WWOX: variants seen among roughly 807,000 people sequenced by gnomAD.
WWOX encodes the protein WW domain-containing oxidoreductase.
Under a neutral mutation model 46.2 loss-of-function variants are expected in WWOX, and 69 were observed. That is an observed-to-expected ratio of 1.49 (90% CI 1.23 to 1.82). The LOEUF is 1.82. WWOX is among the 40% of genes most tolerant of loss of function. The probability of loss-of-function intolerance (pLI) is 0.00; values close to 1 mark genes in which losing one functional copy is unlikely to be tolerated. For synonymous variants in WWOX, 359 were observed against 202.6 expected, an observed-to-expected ratio of 1.77 and a Z score of -6.56; for missense variants, 919 against 542.6, an observed-to-expected ratio of 1.69 and a Z score of -6.89.
rs373769499 is a variant in WWOX, at chr16:78,877,258, C to G, written c.1057-334350C>G. On this transcript the variant is annotated intron_variant, in intron 8 of 8. Transcript: ENST00000566780. ...AATCGTCACAGTAGGACACCAAACC[C>G]TCTGTATGCCCTGCCTGCCTCCCCC... Among the ~76,000 whole-genome samples the G allele has an allele frequency of 3.3e-5, 5 of 151,612 alleles. No individual in the cohort carries two copies. The East Asian group carries it at 5.8e-4, about 18-fold the overall frequency.
chr16:79,143,104 A>T (rs2050120765), intron 8 of WWOX, among the ~76,000 whole-genome samples: 1 of 150,752 alleles, frequency 6.6e-6, no homozygotes, highest in South Asian at 2.1e-4. Flanking sequence ...TTTGGCTTTG[A>T]AAAAAAAGTT....
At chr16:79,148,071 AG>A (rs1426121319) in intron 8 of WWOX, among the ~76,000 whole-genome samples, 1 of 152,178 alleles carries the variant, frequency 6.6e-6, no homozygotes, top group Non-Finnish European at 1.5e-5. Context: ...AAAAGTATTT[AG>A]TTTTAATGAG....
intron 8 of WWOX, among the ~76,000 whole-genome samples, chr16:79,038,371 G>A (rs1396346874): frequency 5.9e-5 from 9 of 151,982 alleles, no homozygotes; most frequent in African/African-American, 7.2e-5. Context: ...GGTGGAAAAC[G>A]AAGGAAGAAA....
intron 8 of WWOX, among the ~76,000 whole-genome samples, chr16:78,666,295 A>C (rs1270027132): frequency 6.6e-6 from 1 of 151,914 alleles, no homozygotes; most frequent in Non-Finnish European, 1.5e-5. Context: ...TCTCTTTAAA[A>C]ATAAATAAAT....
intron 8 of WWOX, among the ~76,000 whole-genome samples, chr16:78,829,143 GAC>G (rs2051743636): frequency 2.0e-5 from 3 of 152,150 alleles, no homozygotes; most frequent in East Asian, 1.9e-4. Context: ...GAGAGAGAGA[GAC>G]AGATAGGCAG....
chr16:79,014,878 G>C (rs190415698), intron 8 of WWOX, among the ~76,000 whole-genome samples: 1 of 152,182 alleles, frequency 6.6e-6, no homozygotes, highest in Non-Finnish European at 1.5e-5. Flanking sequence ...GTGAGCATCA[G>C]CTGTTTCAAT....
At chr16:78,524,031 G>C (rs1424696367) in intron 8 of WWOX, among the ~76,000 whole-genome samples, 1 of 152,274 alleles carries the variant, frequency 6.6e-6, no homozygotes, top group South Asian at 2.1e-4. Flanking sequence ...GATCACATGG[G>C]AGCTTTCATT....
At position 78,836,176 on chromosome 16, in the gene WWOX, A is replaced by AT. The variant is rs5818175; in HGVS notation, c.1057-375420dup. On this transcript the variant is annotated intron_variant, in intron 8 of 8. Coordinates refer to ENST00000566780, the MANE Select transcript of WWOX (RefSeq NM_016373.4). ...GGTATAACAGCAGTGGTTAACATGCATTTTTTTTTTTTAACAGTTAGATTT... is the reference window on the plus strand; with the variant it reads ...GGTATAACAGCAGTGGTTAACATGCATTTTTTTTTTTTTAACAGTTAGATTT... 4.8e-3 allele frequency among the ~76,000 whole-genome samples: 709 copies of AT among 147,492 alleles called. 8 individuals carry two copies. The highest frequency in any genetic ancestry group is 6.2e-3 in the African/African-American group (249 of 40,222).
intron 8 of WWOX, among the ~76,000 whole-genome samples, chr16:78,900,196 T>C (rs2044795436): frequency 6.6e-6 from 1 of 151,938 alleles, no homozygotes; most frequent in African/African-American, 2.4e-5. Flanking sequence ...TAAACCTTCA[T>C]GCAGACCTGT....
intron 8 of WWOX, among the ~76,000 whole-genome samples, chr16:79,018,113 C>G (rs1009831479): frequency 2.6e-5 from 4 of 152,152 alleles, no homozygotes; most frequent in Non-Finnish European, 5.9e-5. Flanking sequence ...CATTTCTAAT[C>G]GGAGGCAGAG....
At chr16:79,173,203 C>T (rs543267046) in intron 8 of WWOX, among the ~76,000 whole-genome samples, 35 of 152,310 alleles carry the variant, frequency 2.3e-4, no homozygotes, top group Non-Finnish European at 3.1e-4. Flanking sequence ...TGAACCCTTT[C>T]GGTTCACATC....
chr16:78,331,313 T>C (rs2080752022), intron 5 of WWOX, among the ~76,000 whole-genome samples: 1 of 152,232 alleles, frequency 6.6e-6, no homozygotes, highest in African/African-American at 2.4e-5. Context: ...AGGATGAAGG[T>C]AATATTGGCA....
chr16:78,993,295 G>A (rs368602549), intron 8 of WWOX, among the ~76,000 whole-genome samples: 1 of 152,154 alleles, frequency 6.6e-6, no homozygotes, highest in South Asian at 2.1e-4. Flanking sequence ...GGGAGGCCCT[G>A]AAATTGCTTT....
chr16:78,827,801 A>C (rs1286811097), intron 8 of WWOX, among the ~76,000 whole-genome samples: 1 of 152,214 alleles, frequency 6.6e-6, no homozygotes, highest in African/African-American at 2.4e-5. Context: ...AGATGGCGCC[A>C]CTGCACTCTA....
At chr16:78,775,023 G>A (rs553027834) in intron 8 of WWOX, among the ~76,000 whole-genome samples, 1 of 152,296 alleles carries the variant, frequency 6.6e-6, no homozygotes, top group African/African-American at 2.4e-5. Flanking sequence ...GGCAGATGGC[G>A]AGAGACATCA....
intron 8 of WWOX, among the ~76,000 whole-genome samples, chr16:78,528,309 C>T (rs945821208): frequency 2.2e-4 from 33 of 151,206 alleles, no homozygotes; most frequent in African/African-American, 7.6e-4. Context: ...CCACCACACC[C>T]GCCCTACATG....
intron 8 of WWOX, among the ~76,000 whole-genome samples, chr16:79,032,019 C>T (rs2047771344): frequency 7.0e-6 from 1 of 143,802 alleles, no homozygotes; most frequent in South Asian, 2.1e-4. Flanking sequence ...GGTAGACTCT[C>T]CTGGGACATT....
chr16:79,004,143 C>T (rs777718131), intron 8 of WWOX: 3 of 152,272 alleles, frequency 2.0e-5, no homozygotes, highest in Non-Finnish European at 2.9e-5. Context: ...CGTCTACCCA[C>T]ATCAGGCAAT....
chr16:78,827,987 T>A (rs948145925), intron 8 of WWOX, among the ~76,000 whole-genome samples: 3 of 152,172 alleles, frequency 2.0e-5, no homozygotes, highest in Non-Finnish European at 4.4e-5. Flanking sequence ...CTGTTGAAAT[T>A]GTCAGGTTAT....
Sources: gnomAD v4.1 joint callset for allele counts (sites outside exome capture counted in the v4.1 genomes callset) on GRCh38, gnomAD v4.1.1 for gene constraint, MANE v1.5 for transcripts, NCBI Gene and HGNC (gene_info 2026-07-23, HGNC 2026-07-21) for gene names.